The following NELL1 variants were observed in gnomAD, a reference collection of about 807,000 sequenced individuals.
NELL1 encodes protein kinase C-binding protein NELL1.
NELL1 carries 76 observed loss-of-function variants against 107.4 expected under a neutral mutation model. The ratio of observed to expected loss-of-function variants is 0.71; its 90% confidence interval spans 0.59 to 0.86. The LOEUF (loss-of-function observed/expected upper bound fraction) is 0.86. Ranked by LOEUF, NELL1 falls within the 40% of genes least tolerant of loss-of-function variation. NELL1 has a pLI of 0.00. For missense variants in NELL1, 1,024 were observed against 1,005.5 expected, an observed-to-expected ratio of 1.02 and a Z score of -0.25; for synonymous variants, 353 against 341.2, an observed-to-expected ratio of 1.03 and a Z score of -0.38.
At chr11:20,702,929 T>G (rs1198265939) in intron 2 of NELL1, among the ~76,000 whole-genome samples, 1 of 152,190 alleles carries the variant, frequency 6.6e-6, no homozygotes, top group Non-Finnish European at 1.5e-5. Context: ...TATTGAGGAT[T>G]TTTGCATTGA....
chr11:20,993,140 G>A (rs766656795), intron 12 of NELL1, among the ~76,000 whole-genome samples: 50 of 152,136 alleles, frequency 3.3e-4, no homozygotes, highest in Middle Eastern at 6.8e-3. Flanking sequence ...GATATTCATG[G>A]CTCGATTTAG....
intron 12 of NELL1, among the ~76,000 whole-genome samples, chr11:20,985,177 C>T (rs897283899): frequency 6.6e-6 from 1 of 152,012 alleles, no homozygotes; most frequent in African/African-American, 2.4e-5. Flanking sequence ...GTAGAAAATT[C>T]ATTTCTACTA....
At chr11:21,558,588 G>A (rs956802975) in intron 16 of NELL1, among the ~76,000 whole-genome samples, 5 of 151,998 alleles carry the variant, frequency 3.3e-5, no homozygotes, top group African/African-American at 1.2e-4. Context: ...GGGGACAAGA[G>A]ATAACAATTG....
At chr11:20,745,960 A>G (rs988726621) in intron 2 of NELL1, among the ~76,000 whole-genome samples, 1 of 152,190 alleles carries the variant, frequency 6.6e-6, no homozygotes, top group Admixed American at 6.5e-5. Context: ...ATATCTTTGC[A>G]AGGAAAAAGA....
At chr11:20,703,446 A>T (rs1854852000) in intron 2 of NELL1, among the ~76,000 whole-genome samples, 1 of 152,166 alleles carries the variant, frequency 6.6e-6, no homozygotes, top group African/African-American at 2.4e-5. Flanking sequence ...CTTTTCAAAA[A>T]ACCAGCTCCC....
At chr11:21,111,751 T>C (rs895572429) in intron 12 of NELL1, among the ~76,000 whole-genome samples, 16 of 152,156 alleles carry the variant, frequency 1.1e-4, no homozygotes, top group Admixed American at 8.5e-4. Flanking sequence ...AAACCATGCT[T>C]AAATTTGAAA....
chr11:21,362,331 C>T (rs1184655108), intron 14 of NELL1, among the ~76,000 whole-genome samples: 1 of 152,128 alleles, frequency 6.6e-6, no homozygotes, highest in East Asian at 1.9e-4. Flanking sequence ...CTGCAAAAGT[C>T]CTGTGATGTA....
At chr11:20,979,270 A>G (rs1298424034) in intron 12 of NELL1, among the ~76,000 whole-genome samples, 3 of 152,228 alleles carry the variant, frequency 2.0e-5, no homozygotes, top group African/African-American at 2.4e-5. Flanking sequence ...AACAAAGCAT[A>G]TTTGGTAACC....
At chr11:20,993,576 A>G (rs971439345) in intron 12 of NELL1, among the ~76,000 whole-genome samples, 9 of 152,182 alleles carry the variant, frequency 5.9e-5, no homozygotes, top group African/African-American at 1.4e-4. Context: ...CCCCTCAAGG[A>G]CACCAAAGTC....
At chr11:20,676,951 G>T (rs1001672579) in intron 1 of NELL1, among the ~76,000 whole-genome samples, 1 of 152,196 alleles carries the variant, frequency 6.6e-6, no homozygotes, top group Non-Finnish European at 1.5e-5. Context: ...GTGATCACTA[G>T]CCTTATTAAT....
intron 14 of NELL1, among the ~76,000 whole-genome samples, chr11:21,344,968 A>G (rs1850654123): frequency 6.6e-6 from 1 of 152,204 alleles, no homozygotes. Flanking sequence ...TTCCCAAAGA[A>G]TGCACAATAA....
Position 21,229,390 on chromosome 11 carries a change from C to T in NELL1, c.1485C>T (p.Asn495=). 2 of 1,614,034 alleles carry T rather than the reference C, an allele frequency of 1.2e-6. No homozygotes were observed. Among genetic ancestry groups the T allele is most frequent in the Non-Finnish European group, 8.5e-7 (1 of 1,179,944 alleles). ...GTGATGAGAATGCCATCTGCACCAA[C>T]ACTGTCCAGGGACACAGCTGCACCT... The part of the protein sequence containing the change: ...HNCDENAICT[N]TVQGHSCTCK... Residue 495 remains asparagine, a synonymous_variant, in exon 14 of 20, where the codon AAC becomes AAT. Transcript: ENST00000357134.
At chr11:21,134,802 T>C (rs889316810) in intron 13 of NELL1, among the ~76,000 whole-genome samples, 4 of 152,156 alleles carry the variant, frequency 2.6e-5, no homozygotes, top group Admixed American at 1.3e-4. Context: ...TCCAAATGAT[T>C]GAGTATTGGA....
intron 15 of NELL1, among the ~76,000 whole-genome samples, chr11:21,467,083 ATTG>A (rs1564908721): frequency 6.6e-6 from 1 of 152,052 alleles, no homozygotes; most frequent in Non-Finnish European, 1.5e-5. Flanking sequence ...GACTTTGGTT[ATTG>A]TTGTTGTTAG....
intron 13 of NELL1, among the ~76,000 whole-genome samples, chr11:21,205,270 C>T (rs1857364552): frequency 6.6e-6 from 1 of 152,148 alleles, no homozygotes; most frequent in South Asian, 2.1e-4. Flanking sequence ...TCTTTAAGCC[C>T]ACGACTGGGG....
chr11:21,448,564 G>C (rs7126256), intron 15 of NELL1, among the ~76,000 whole-genome samples: 4,744 of 152,152 alleles, frequency 0.031, 243 homozygotes, highest in African/African-American at 0.1. Context: ...TAGCACTTTG[G>C]TTAGGTCTAA....
chr11:21,085,755 GGGACA>G (rs1176708720), intron 12 of NELL1, among the ~76,000 whole-genome samples: 1 of 152,194 alleles, frequency 6.6e-6, no homozygotes, highest in Non-Finnish European at 1.5e-5. Context: ...AGTAGAATAG[GGGACA>G]GGACAGGCAA....
intron 16 of NELL1, among the ~76,000 whole-genome samples, chr11:21,552,165 A>C (rs1339819132): frequency 6.8e-6 from 1 of 147,972 alleles, no homozygotes; most frequent in African/African-American, 2.5e-5. Flanking sequence ...GAGGGATAGC[A>C]TTAGGAGATA....
At chr11:20,853,503 A>G (rs1192575577) in intron 4 of NELL1, among the ~76,000 whole-genome samples, 2 of 152,186 alleles carry the variant, frequency 1.3e-5, no homozygotes, top group Non-Finnish European at 2.9e-5. Context: ...AGTAATATGA[A>G]TTCTTCTACC....
Sources: gnomAD v4.1 joint callset for allele counts (sites outside exome capture counted in the v4.1 genomes callset) on GRCh38, gnomAD v4.1.1 for gene constraint, MANE v1.5 for transcripts, NCBI Gene and HGNC (gene_info 2026-07-23, HGNC 2026-07-21) for gene names.